NKAIN2: variants seen among roughly 807,000 people sequenced by gnomAD.
NKAIN2 encodes the protein sodium/potassium transporting ATPase interacting 2.
NKAIN2 carries 14 observed loss-of-function variants against 32.6 expected under a neutral mutation model. The ratio of observed to expected loss-of-function variants is 0.43; its 90% confidence interval spans 0.28 to 0.67. The LOEUF is 0.67. Among genes scored for constraint, NKAIN2 ranks in the 30% least tolerant of loss-of-function variants. The probability of loss-of-function intolerance (pLI) is 0.17; values close to 1 mark genes in which losing one functional copy is unlikely to be tolerated. For missense variants in NKAIN2, 198 were observed against 258.3 expected, an observed-to-expected ratio of 0.77 and a Z score of 1.60; for synonymous variants, 80 against 87.2, an observed-to-expected ratio of 0.92 and a Z score of 0.46.
intron 3 of NKAIN2, among the ~76,000 whole-genome samples, chr6:124,537,937 AT>A (rs1779776824): frequency 6.6e-6 from 1 of 152,020 alleles, no homozygotes; most frequent in Non-Finnish European, 1.5e-5. Flanking sequence ...TACCTTTAAT[AT>A]TTTCATGTAA....
At chr6:124,462,501 C>CT (rs1439825318) in intron 3 of NKAIN2, among the ~76,000 whole-genome samples, 1 of 151,878 alleles carries the variant, frequency 6.6e-6, no homozygotes, top group East Asian at 1.9e-4. Context: ...TTGTTCAAAG[C>CT]TTTGTGAACA....
rs555799057 is a variant in NKAIN2, at chr6:124,243,622, A to G, written c.55-39383A>G. Among the ~76,000 whole-genome samples, 4 of 152,242 alleles carry G rather than the reference A, an allele frequency of 2.6e-5. No homozygotes were observed. The South Asian group carries it at 8.3e-4, about 32-fold the overall frequency. ...CAAATCACCAAGATTGTTGGTAACT[A>G]TGGCCTTCCATAAATGTACCTATGG... On this transcript the variant is annotated intron_variant, in intron 1 of 6. Coordinates refer to ENST00000368417, the MANE Select transcript of NKAIN2 (RefSeq NM_001040214.3).
chr6:124,024,544 CTTTG>C (rs1338004904), intron 1 of NKAIN2, among the ~76,000 whole-genome samples: 7 of 151,940 alleles, frequency 4.6e-5, no homozygotes, highest in Admixed American at 3.9e-4. Context: ...AATAATATGT[CTTTG>C]TTTAATGGAC....
chr6:124,774,842 G>A (rs1420444385), intron 4 of NKAIN2, among the ~76,000 whole-genome samples: 1 of 123,918 alleles, frequency 8.1e-6, no homozygotes, highest in African/African-American at 3.2e-5. Context: ...GGCTAGAAGA[G>A]CAAAACTTCA....
chr6:123,928,386 T>C (rs757690421), intron 1 of NKAIN2, among the ~76,000 whole-genome samples: 4 of 152,120 alleles, frequency 2.6e-5, no homozygotes, highest in East Asian at 1.9e-4. Context: ...CCTGCACATA[T>C]ACCCCCTGAA....
At chr6:123,850,047 G>A (rs1284612959) in intron 1 of NKAIN2, among the ~76,000 whole-genome samples, 1 of 146,788 alleles carries the variant, frequency 6.8e-6, no homozygotes, top group Non-Finnish European at 1.5e-5. Context: ...GGCTTAAGCA[G>A]TCCTCCTGCC....
intron 1 of NKAIN2, among the ~76,000 whole-genome samples, chr6:124,155,156 A>G (rs1787919957): frequency 6.6e-6 from 1 of 152,156 alleles, no homozygotes; most frequent in African/African-American, 2.4e-5. Context: ...TTATCCCAAC[A>G]TCAAGCATGG....
At chr6:124,021,027 C>T (rs1050353068) in intron 1 of NKAIN2, among the ~76,000 whole-genome samples, 4 of 152,086 alleles carry the variant, frequency 2.6e-5, no homozygotes, top group South Asian at 2.1e-4. Context: ...TTCATTTACT[C>T]TCACAAATAT....
chr6:124,773,103 G>A (rs1283359662), intron 4 of NKAIN2, among the ~76,000 whole-genome samples: 3 of 152,180 alleles, frequency 2.0e-5, no homozygotes, highest in Non-Finnish European at 4.4e-5. Context: ...TTGGAACTTG[G>A]CCAAGCCAAA....
At chr6:123,953,384 T>C (rs1366088292) in intron 1 of NKAIN2, among the ~76,000 whole-genome samples, 3 of 152,148 alleles carry the variant, frequency 2.0e-5, no homozygotes, top group East Asian at 3.9e-4. Flanking sequence ...ATTTCAGTAG[T>C]TCAGCCGTGG....
chr6:124,269,910 C>T (rs1794676247), intron 1 of NKAIN2, among the ~76,000 whole-genome samples: 1 of 152,118 alleles, frequency 6.6e-6, no homozygotes, highest in African/African-American at 2.4e-5. Flanking sequence ...CATCTCCCAT[C>T]CTTATGAAAT....
intron 2 of NKAIN2, among the ~76,000 whole-genome samples, chr6:124,316,351 G>A (rs1796950602): frequency 6.6e-6 from 1 of 152,048 alleles, no homozygotes; most frequent in Non-Finnish European, 1.5e-5. Context: ...ATAACTACAT[G>A]TATGTCTGCA....
intron 1 of NKAIN2, among the ~76,000 whole-genome samples, chr6:124,092,849 A>G (rs1411453983): frequency 4.6e-5 from 7 of 152,182 alleles, no homozygotes; most frequent in African/African-American, 9.6e-5. Flanking sequence ...CTCAGTAGAT[A>G]TAAAACTATT....
chr6:124,658,720 A>G lies in NKAIN2; in HGVS notation c.474+334A>G, dbSNP rs575232155. Reference sequence around the variant, plus strand: ...AGAGATTTTTTTCATAACGTTCTACAGTACTCAAAATTATAAGATTTCCAT... The same window carrying G: ...AGAGATTTTTTTCATAACGTTCTACGGTACTCAAAATTATAAGATTTCCAT... On this transcript the variant is annotated intron_variant, in intron 4 of 6. Coordinates refer to ENST00000368417, the MANE Select transcript of NKAIN2 (RefSeq NM_001040214.3). 17 of 462,272 alleles carry G rather than the reference A, an allele frequency of 3.7e-5. No homozygotes were observed. The East Asian group carries it at 5.8e-4, about 16-fold the overall frequency. The allele number at this position is 462,272 out of a possible 1,614,324, so 28.6% of individuals were successfully genotyped here.
chr6:124,694,150 T>C (rs555712121), intron 4 of NKAIN2, among the ~76,000 whole-genome samples: 1 of 152,260 alleles, frequency 6.6e-6, no homozygotes, highest in African/African-American at 2.4e-5. Flanking sequence ...ATTAAACAAG[T>C]CTATGTGTGT....
chr6:124,002,263 G>A (rs1051613006), intron 1 of NKAIN2, among the ~76,000 whole-genome samples: 8 of 152,026 alleles, frequency 5.3e-5, no homozygotes, highest in Admixed American at 2.0e-4. Context: ...CAGATAATAC[G>A]TGGTTGGGGA....
chr6:124,198,076 A>C (rs1790409863), intron 1 of NKAIN2, among the ~76,000 whole-genome samples: 1 of 152,050 alleles, frequency 6.6e-6, no homozygotes, highest in Non-Finnish European at 1.5e-5. Flanking sequence ...CTTGTTGTAC[A>C]TCACGAGTTT....
chr6:124,109,253 A>G (rs142983933), intron 1 of NKAIN2, among the ~76,000 whole-genome samples: 2 of 152,042 alleles, frequency 1.3e-5, no homozygotes, highest in African/African-American at 4.8e-5. Context: ...TTTGTAAACA[A>G]GTCTTTCACC....
At position 124,096,584 on chromosome 6, in the gene NKAIN2, C is replaced by T. The variant is rs1784655141; in HGVS notation, c.55-186421C>T. On this transcript the variant is annotated intron_variant, in intron 1 of 6. Transcript: ENST00000368417. ...GTTCATCTTCCCCAGGAATTCTTCA[C>T]TGAACTCCAGGTGGGGCTATAGATA... Among the ~76,000 whole-genome samples, 3 of 152,286 alleles carry T rather than the reference C, an allele frequency of 2.0e-5. No individual in the cohort carries two copies. The East Asian group carries it at 5.8e-4, about 29-fold the overall frequency.
Sources: allele counts gnomAD v4.1 joint callset (sites outside exome capture counted in the v4.1 genomes callset), GRCh38; gene constraint gnomAD v4.1.1; transcripts MANE v1.5; gene names NCBI Gene and HGNC (gene_info 2026-07-23, HGNC 2026-07-21).